CX3CR1: variants seen among roughly 807,000 people sequenced by gnomAD.
CX3CR1 encodes CX3C chemokine receptor 1.
For missense variants in CX3CR1, 363 were observed against 432.4 expected (o/e 0.84, Z 1.42); for synonymous variants, 168 against 178.5 (o/e 0.94, Z 0.47).
chr3:39,270,679 A>G (rs2040764867), intron 1 of CX3CR1, among the ~76,000 whole-genome samples: 1 of 152,244 alleles, frequency 6.6e-6, no homozygotes, highest in Non-Finnish European at 1.5e-5. Flanking sequence ...TGGTGGTGGT[A>G]ATTATCCCTG....
chr3:39,275,537 G>T, intron 1 of CX3CR1, among the ~76,000 whole-genome samples: 1 of 152,214 alleles, frequency 6.6e-6, no homozygotes, highest in Non-Finnish European at 1.5e-5. Flanking sequence ...GTTATTGTTT[G>T]CCTTGATAAC....
At chr3:39,281,390 G>T (rs547430570), upstream of CX3CR1, 21 of 668,934 alleles carry the variant, frequency 3.1e-5, no homozygotes, top group Non-Finnish European at 4.4e-5. Context: ...CCCCTTCCTT[G>T]CCTCTGACTC....
chr3:39,292,305 A>C, the CX3CR1 span, among the ~76,000 whole-genome samples: 292 of 152,342 alleles, frequency 1.9e-3, 1 homozygote, highest in African/African-American at 5.1e-3. Context: ...GACCCGGTCC[A>C]GTGGCAGAGC....
In CX3CR1 at chr3:39,266,272, ACAG is replaced by A. The variant is rs2040698611; in HGVS notation, c.235_237del (p.Leu79del). On this transcript the variant is annotated inframe_deletion, in exon 2 of 2. Transcript: ENST00000399220. ...GTCCAGAAGGGCAAAGTGGCTACAA[ACAG>A]CAGATCAGACAAGGCCAGGTTCAGG... 1 of 1,614,118 alleles carries A rather than the reference ACAG, an allele frequency of 6.2e-7. No individual in the cohort carries two copies. Among genetic ancestry groups the A allele is most frequent in the African/African-American group, 1.3e-5 (1 of 74,948 alleles).
chr3:39,289,067 T>A, the CX3CR1 span, among the ~76,000 whole-genome samples: 1 of 151,840 alleles, frequency 6.6e-6, no homozygotes, highest in South Asian at 2.1e-4. Context: ...GGCAGGAGAA[T>A]CACTTGAACC....
At chr3:39,283,601 G>A (rs2040921962), upstream of CX3CR1, among the ~76,000 whole-genome samples, 1 of 151,190 alleles carries the variant, frequency 6.6e-6, no homozygotes, top group South Asian at 2.1e-4. Context: ...CCAAAATGGT[G>A]AAACCCTGTC....
chr3:39,284,285 C>T (rs1230850355), upstream of CX3CR1, among the ~76,000 whole-genome samples: 1 of 152,094 alleles, frequency 6.6e-6, no homozygotes, highest in Non-Finnish European at 1.5e-5. Context: ...CCTCAGCTTC[C>T]CGAGTAGCTG....
intron 1 of CX3CR1, among the ~76,000 whole-genome samples, chr3:39,271,932 G>A (rs2040783091): frequency 6.6e-6 from 1 of 152,334 alleles, no homozygotes; most frequent in Non-Finnish European, 1.5e-5. Flanking sequence ...GGCAGCAGAT[G>A]CGAGTGTGGC....
At chr3:39,281,196 A>C, upstream of CX3CR1, 1 of 1,019,842 alleles carries the variant, frequency 9.8e-7, no homozygotes, top group Non-Finnish European at 1.2e-6. Flanking sequence ...GTCCACCAGC[A>C]GTTTTCTTTC....
rs550625735 is a variant in CX3CR1, at chr3:39,263,894, T to G, written c.*1548A>C. The G allele has an allele frequency of 3.3e-5, 5 of 152,200 alleles. No homozygotes were observed. In the South Asian group the frequency reaches 1.0e-3, roughly 32 times the overall value. 9.4% of individuals were successfully genotyped at this position (152,200 alleles called of 1,614,324 possible). On this transcript the variant is annotated 3_prime_UTR_variant, in exon 2 of 2. Coordinates refer to ENST00000399220, the MANE Select transcript of CX3CR1 (RefSeq NM_001337.4). Reference sequence around the variant, plus strand: ...GAATGACAATATTGATGTGGTTAGATTGGATGACTTTTTCTTTAGCATTAT... The same window carrying G: ...GAATGACAATATTGATGTGGTTAGAGTGGATGACTTTTTCTTTAGCATTAT...
chr3:39,265,530 G>A lies in CX3CR1; in HGVS notation c.980C>T (p.Ser327Phe), dbSNP rs761652263. 15 of 1,614,100 alleles carry A rather than the reference G, an allele frequency of 9.3e-6. No individual in the cohort carries two copies. In the Admixed American group the frequency reaches 2.5e-4, roughly 27 times the overall value. The change falls in exon 2 of 2, where the codon TCT (serine) becomes TTT (phenylalanine). Residue 327 changes from serine (S) to phenylalanine (F), a missense_variant. Physicochemically the swap from Ser to Phe is radical, Grantham distance 155. Coordinates refer to ENST00000399220, the MANE Select transcript of CX3CR1 (RefSeq NM_001337.4). The stretch of plus-strand genomic sequence containing the variant: ...TCCATGCCTGCTCCTTTGTGATTCA[G>A]ATGAGGAGAAATCAACGTGGACTGA... The part of the protein sequence containing the change: ...GRSVHVDFSS[S>F]ESQRSRHGSV...
upstream of CX3CR1, among the ~76,000 whole-genome samples, chr3:39,284,877 C>T (rs943527853): frequency 3.3e-5 from 5 of 152,096 alleles, no homozygotes; most frequent in Non-Finnish European, 5.9e-5. Context: ...AGGGATCTCG[C>T]TACAGGAAAA....
rs1262498207 is a variant in CX3CR1 at position 39,265,795 on chromosome 3, CGAT to C, written c.712_714del (p.Ile238del). The C allele has an allele frequency of 6.2e-7, 1 of 1,614,032 alleles. No individual in the cohort carries two copies. Among genetic ancestry groups the C allele is most frequent in the Non-Finnish European group, 8.5e-7 (1 of 1,180,008 alleles). On this transcript the variant is annotated inframe_deletion, in exon 2 of 2. Coordinates refer to ENST00000399220, the MANE Select transcript of CX3CR1 (RefSeq NM_001337.4). ...TAGGGTGTCCAGAAGAGGAAAAACA[CGAT>C]GACCACCAGAAGGATCAGTTTAATG...
upstream of CX3CR1, among the ~76,000 whole-genome samples, chr3:39,280,621 T>C (rs900412186): frequency 6.6e-6 from 1 of 152,138 alleles, no homozygotes; most frequent in Non-Finnish European, 1.5e-5. Flanking sequence ...TCGGTAAATA[T>C]TTTTTTCCTC....
intron 1 of CX3CR1, among the ~76,000 whole-genome samples, chr3:39,275,151 C>T (rs2040824792): frequency 1.3e-5 from 2 of 152,186 alleles, no homozygotes; most frequent in African/African-American, 2.4e-5. Context: ...TGTGAGCCAC[C>T]GTGCCCACCT....
At chr3:39,281,080 C>T (rs982939352), upstream of CX3CR1, 3 of 993,038 alleles carry the variant, frequency 3.0e-6, no homozygotes, top group Admixed American at 1.2e-4. Flanking sequence ...AGCGGGTGCT[C>T]TGTGTGCTCC....
At chr3:39,290,452 A>G in the CX3CR1 span, among the ~76,000 whole-genome samples, 2 of 152,140 alleles carry the variant, frequency 1.3e-5, no homozygotes, top group Non-Finnish European at 2.9e-5. Context: ...GCAAGTTTTC[A>G]CTTTCTTTTT....
chr3:39,264,580 A>C lies in CX3CR1; in HGVS notation c.*862T>G, dbSNP rs1050389095. On this transcript the variant is annotated 3_prime_UTR_variant, in exon 2 of 2. Transcript: ENST00000399220. ...TTTGGGAAGGAGGAGGCAATGGGGA[A>C]TCTATTGGTAGGACCCCATGGTGGA... 4 of 152,264 alleles carry C rather than the reference A, an allele frequency of 2.6e-5. No homozygotes were observed. The highest frequency in any genetic ancestry group is 7.2e-5 in the African/African-American group (3 of 41,418). 9.4% of individuals were successfully genotyped at this position (152,264 alleles called of 1,614,324 possible). A position where few individuals can be genotyped will look rare whatever the true frequency, so the allele number is the denominator to read the frequency against.
At chr3:39,288,846 T>C in the CX3CR1 span, among the ~76,000 whole-genome samples, 1 of 152,212 alleles carries the variant, frequency 6.6e-6, no homozygotes, top group South Asian at 2.1e-4. Context: ...GAGATATTTC[T>C]CTAAGCCTGA....
Sources: allele counts gnomAD v4.1 joint callset (sites outside exome capture counted in the v4.1 genomes callset), GRCh38; gene constraint gnomAD v4.1.1; transcripts MANE v1.5; gene names NCBI Gene and HGNC (gene_info 2026-07-23, HGNC 2026-07-21).